The following OTOF variants were observed in gnomAD, a reference collection of about 807,000 sequenced individuals.
OTOF encodes the protein fer-1-like family member 2.
A neutral mutation model predicts 236.8 loss-of-function variants in OTOF; 218 were observed. That is an observed-to-expected ratio of 0.92 (90% CI 0.82 to 1.03). The LOEUF is 1.03. Among genes scored for constraint, OTOF ranks in the 50% least tolerant of loss-of-function variants. The pLI, the probability that OTOF is intolerant of heterozygous loss-of-function variation, is 0.00. For missense variants in OTOF, 2,590 were observed against 2,694.4 expected, an observed-to-expected ratio of 0.96 and a Z score of 0.86; for synonymous variants, 1,041 against 1,072.5, an observed-to-expected ratio of 0.97 and a Z score of 0.57.
Position 26,484,420 on chromosome 2 carries a change from T to TG in OTOF, c.1205+53dup, listed in dbSNP as rs1472586599. The TG allele has an allele frequency of 8.1e-6, 13 of 1,604,812 alleles. No homozygotes were observed. In the East Asian group the frequency reaches 2.5e-4, roughly 30 times the overall value. On this transcript the variant is annotated intron_variant, in intron 12 of 46. Coordinates refer to ENST00000272371, the MANE Select transcript of OTOF (RefSeq NM_194248.3). ...CAGCAAACCCTCACCGGGGGCTCCCTGGGGGAAGGAAGGGCTGGCTCAGAC... is the reference window on the plus strand; with the variant it reads ...CAGCAAACCCTCACCGGGGGCTCCCTGGGGGGAAGGAAGGGCTGGCTCAGAC...
At chr2:26,554,993 A>T (rs553267512) in intron 1 of OTOF, among the ~76,000 whole-genome samples, 59 of 152,292 alleles carry the variant, frequency 3.9e-4, no homozygotes, top group African/African-American at 1.3e-3. Flanking sequence ...ACTGTCTGTC[A>T]CTTGGTTCCC....
At chr2:26,479,857 G>T (rs894732506) in intron 16 of OTOF, among the ~76,000 whole-genome samples, 8 of 152,264 alleles carry the variant, frequency 5.3e-5, no homozygotes, top group African/African-American at 1.9e-4. Flanking sequence ...ACGCCTGAGT[G>T]CGAGGCCCAG....
At chr2:26,535,138 C>T (rs1667039355) in intron 2 of OTOF, among the ~76,000 whole-genome samples, 1 of 152,160 alleles carries the variant, frequency 6.6e-6, no homozygotes, top group Non-Finnish European at 1.5e-5. Context: ...GGCCACTTTG[C>T]CCAGGGAGAA....
In OTOF at chr2:26,558,747, A is replaced by C. The variant is rs1667661039; in HGVS notation, c.-176T>G. On this transcript the variant is annotated 5_prime_UTR_variant, in exon 1 of 47. Coordinates refer to ENST00000272371, the MANE Select transcript of OTOF (RefSeq NM_194248.3). ...CCAAGCCGAGCTAAGCTGCTCCTGC[A>C]GCGACTCACAGAGCCTCACAGCCCC... 2.8e-5 allele frequency: 17 copies of C among 597,904 alleles called. No homozygotes were observed. In the South Asian group the frequency reaches 3.2e-4, roughly 11 times the overall value. The allele number at this position is 597,904 out of a possible 1,614,324, so 37.0% of individuals were successfully genotyped here.
chr2:26,473,518 A>G lies in OTOF; in HGVS notation c.3458T>C (p.Val1153Ala). The G allele has an allele frequency of 6.2e-7, 1 of 1,612,464 alleles. No homozygotes were observed. The highest frequency in any genetic ancestry group is 8.5e-7 in the Non-Finnish European group (1 of 1,179,878). The change falls in exon 28 of 47, where the codon GTG becomes GCG. Residue 1153 changes from valine (V) to alanine (A), a missense_variant. Val to Ala is a moderately conservative substitution (Grantham distance 64). Coordinates refer to ENST00000272371, the MANE Select transcript of OTOF (RefSeq NM_194248.3). This position sits in a 1 kb window ranked among gnomAD's most constrained non-coding sequence, Gnocchi z 7.2. ...RDLKRVNLAQ[V>A]DRPRVDIECA... ...CTCGATGTCCACCCGTGGCCGGTCC[A>G]CCTGGGCCAGGTTCACCCGCTTTAG...
At chr2:26,489,428 C>A (rs1572445090) in intron 10 of OTOF, 133 bp from the exon 11 acceptor site, 1 of 758,526 alleles carries the variant, frequency 1.3e-6, no homozygotes. Context: ...TGAGGCTCAG[C>A]ATCAGCTCCT....
chr2:26,548,973 T>C (rs905792879), intron 1 of OTOF, among the ~76,000 whole-genome samples: 1 of 152,208 alleles, frequency 6.6e-6, no homozygotes, highest in African/African-American at 2.4e-5. Context: ...GATTTGGGTT[T>C]AATTTGCTTT....
At chr2:26,478,051 C>T in intron 18 of OTOF, 1 of 1,431,576 alleles carries the variant, frequency 7.0e-7, no homozygotes, top group Non-Finnish European at 9.1e-7. Flanking sequence ...GGCTACGGGG[C>T]TCAGGGCTGG....
intron 2 of OTOF, among the ~76,000 whole-genome samples, chr2:26,528,824 C>T (rs528579314): frequency 3.1e-4 from 47 of 152,278 alleles, no homozygotes; most frequent in South Asian, 2.1e-3. Flanking sequence ...CTGTCCTAGG[C>T]GTAGTGTTTT....
chr2:26,460,540 T>A lies in OTOF; in HGVS notation c.5813+107A>T. ...GGGCAGGGAGGAGGCTCCCCTGTAA[T>A]GAGGCTGTGGCCCAGGAAGAGATGG... is the stretch of plus-strand genomic sequence containing the variant. On this transcript the variant is annotated intron_variant, in intron 45 of 46. Transcript: ENST00000272371. The surrounding 1 kb of genome is among the most constrained non-coding windows in gnomAD (Gnocchi z 5.3). 1.1e-6 allele frequency: 1 copy of A among 909,000 alleles called. No individual in the cohort carries two copies. Among genetic ancestry groups the A allele is most frequent in the Non-Finnish European group, 1.8e-6 (1 of 561,208 alleles). 56.3% of individuals were successfully genotyped at this position (909,000 alleles called of 1,614,324 possible). A position where few individuals can be genotyped will look rare whatever the true frequency, so the allele number is the denominator to read the frequency against.
At chr2:26,511,206 C>T (rs1006545637) in intron 5 of OTOF, among the ~76,000 whole-genome samples, 4 of 152,220 alleles carry the variant, frequency 2.6e-5, no homozygotes, top group Non-Finnish European at 5.9e-5. Flanking sequence ...AGCTCCCAGG[C>T]TCTGGGGGCC....
At chr2:26,468,748 T>C (rs1664848991) in intron 32 of OTOF, among the ~76,000 whole-genome samples, 1 of 152,318 alleles carries the variant, frequency 6.6e-6, no homozygotes, top group African/African-American at 2.4e-5. Flanking sequence ...TCATGTCCTT[T>C]GCAGGGACAT....
intron 8 of OTOF, 76 bp downstream of exon 8, chr2:26,501,678 G>A: frequency 4.0e-6 from 4 of 1,005,326 alleles, no homozygotes; most frequent in Non-Finnish European, 4.8e-6. Flanking sequence ...TCAGTATAGT[G>A]GATAATGCAC....
At chr2:26,490,257 A>T (rs1665807858) in intron 9 of OTOF, among the ~76,000 whole-genome samples, 1 of 152,246 alleles carries the variant, frequency 6.6e-6, no homozygotes, top group African/African-American at 2.4e-5. Context: ...ACTACGGTTT[A>T]ATAAGCCACA....
At chr2:26,553,579 C>T (rs755034271) in intron 1 of OTOF, among the ~76,000 whole-genome samples, 19 of 152,192 alleles carry the variant, frequency 1.2e-4, no homozygotes, top group Admixed American at 1.2e-3. Flanking sequence ...AGATCCTGCC[C>T]CACGTGTGGT....
At chr2:26,474,227 C>A (rs971569949) in intron 26 of OTOF, 117 bp from the exon 27 acceptor site, 1 of 1,396,628 alleles carries the variant, frequency 7.2e-7, no homozygotes, top group Non-Finnish European at 9.9e-7. Flanking sequence ...ACCACGCCCC[C>A]AGCTTTGGTC....
intron 18 of OTOF, 57 bp downstream of exon 18, chr2:26,479,207 T>G: frequency 6.2e-7 from 1 of 1,600,024 alleles, no homozygotes; most frequent in South Asian, 1.1e-5. Context: ...GAAGGCCCTC[T>G]GACAGCGCCG....
chr2:26,535,392 T>C (rs1217293460), intron 2 of OTOF, among the ~76,000 whole-genome samples: 3 of 152,172 alleles, frequency 2.0e-5, no homozygotes, highest in Non-Finnish European at 4.4e-5. Flanking sequence ...TCAGTGCTGC[T>C]GCTGGGGCTG....
At chr2:26,501,830 C>G in intron 7 of OTOF, 22 bp from the exon 8 acceptor site, 1 of 1,602,008 alleles carries the variant, frequency 6.2e-7, no homozygotes, top group Non-Finnish European at 8.6e-7. Flanking sequence ...AATGTACCAT[C>G]AGGCCTGGGG....
Sources: gnomAD v4.1 joint callset for allele counts (sites outside exome capture counted in the v4.1 genomes callset) on GRCh38, gnomAD v4.1.1 for gene constraint, Gnocchi (gnomAD v3.1) non-coding constraint, MANE v1.5 for transcripts, NCBI Gene and HGNC (gene_info 2026-07-23, HGNC 2026-07-21) for gene names.